F5: variants seen among roughly 807,000 people sequenced by gnomAD.
The protein encoded by F5 is activated protein c cofactor.
Under a neutral mutation model 216.4 loss-of-function variants are expected in F5, and 138 were observed. The observed-to-expected ratio is 0.64, with a 90% CI of 0.56 to 0.73. The LOEUF (loss-of-function observed/expected upper bound fraction) is 0.73. F5 is among the 30% of genes least tolerant of loss of function. The probability of loss-of-function intolerance (pLI) is 0.00; values close to 1 mark genes in which losing one functional copy is unlikely to be tolerated. For missense variants in F5, 2,403 were observed against 2,674.0 expected (o/e 0.90, Z 2.24); for synonymous variants, 916 against 930.7 (o/e 0.98, Z 0.29).
At chr1:169,545,752 A>G (rs1571578272) in intron 11 of F5, among the ~76,000 whole-genome samples, 1 of 152,204 alleles carries the variant, frequency 6.6e-6, no homozygotes, top group Admixed American at 6.5e-5. Flanking sequence ...GTGATTACCT[A>G]CTAGAGAAGG....
rs1373350559 is a variant in F5 at position 169,514,326 on chromosome 1, C to T, written c.6662G>A (p.Cys2221Tyr). ...SIALRLELFG[C>Y]DIY Reference sequence around the variant, plus strand: ...GAATGTTCAATTCTAGTAAATATCACAGCCAAAGAGTTCCAGGCGAAGTGC... The same window carrying T: ...GAATGTTCAATTCTAGTAAATATCATAGCCAAAGAGTTCCAGGCGAAGTGC... The change falls in exon 25 of 25, where the codon TGT becomes TAT. Residue 2221 changes from cysteine (C) to tyrosine (Y), a missense_variant. Cys to Tyr is a radical substitution (Grantham distance 194). Around this residue, in one of 4 missense-constraint regions of F5, gnomAD observed 659 missense variants for 787.9 expected, o/e 0.84. Transcript: ENST00000367797. 45 of 1,613,314 alleles carry T rather than the reference C, an allele frequency of 2.8e-5. No individual in the cohort carries two copies. The highest frequency in any genetic ancestry group is 3.8e-5 in the Non-Finnish European group (45 of 1,179,504).
chr1:169,565,446 T>C (rs1330917505), intron 3 of F5, among the ~76,000 whole-genome samples: 1 of 152,096 alleles, frequency 6.6e-6, no homozygotes, highest in Non-Finnish European at 1.5e-5. Context: ...AAGAAGATGC[T>C]CAGTGAATAT....
At chr1:169,546,792 C>T (rs577537840) in intron 10 of F5, among the ~76,000 whole-genome samples, 200 bp from the exon 11 acceptor site, 2 of 152,068 alleles carry the variant, frequency 1.3e-5, no homozygotes, top group South Asian at 4.2e-4. Flanking sequence ...AAACTGGACC[C>T]CTTTCTTACA....
intron 13 of F5, among the ~76,000 whole-genome samples, chr1:169,538,119 A>G (rs188346272): frequency 1.8e-3 from 268 of 152,294 alleles, no homozygotes; most frequent in Non-Finnish European, 2.4e-3. Flanking sequence ...AATGTGATCT[A>G]CATAAACAAT....
chr1:169,548,319 G>A (rs1357740977), intron 10 of F5, among the ~76,000 whole-genome samples: 1 of 151,668 alleles, frequency 6.6e-6, no homozygotes, highest in Non-Finnish European at 1.5e-5. Flanking sequence ...TAACAAACCT[G>A]CACATCCTGC....
rs564074128 is a variant in F5 at position 169,524,551 on chromosome 1, A to G, written c.5788+286T>C. On this transcript the variant is annotated intron_variant, in intron 19 of 24. Coordinates refer to ENST00000367797, the MANE Select transcript of F5 (RefSeq NM_000130.5). ...CTGGGCTTTTTATGTAGAGAAATCA[A>G]TGACCCCCAGCTATCGGTTTTTCCT... Among the ~76,000 whole-genome samples the G allele has an allele frequency of 3.3e-5, 5 of 152,268 alleles. No homozygotes were observed. In the South Asian group the frequency reaches 6.2e-4, roughly 19 times the overall value.
At chr1:169,547,725 C>T (rs1273782596) in intron 10 of F5, among the ~76,000 whole-genome samples, 1 of 152,060 alleles carries the variant, frequency 6.6e-6, no homozygotes, top group African/African-American at 2.4e-5. Context: ...AAAAGGAACA[C>T]TTATACACTC....
chr1:169,565,043 C>T (rs573484095), intron 3 of F5, among the ~76,000 whole-genome samples: 5 of 152,182 alleles, frequency 3.3e-5, no homozygotes, highest in Non-Finnish European at 5.9e-5. Flanking sequence ...TCCCTTGGGT[C>T]CCCTGTCAGT....
chr1:169,564,996 T>G (rs935985495), intron 3 of F5, among the ~76,000 whole-genome samples: 1 of 152,108 alleles, frequency 6.6e-6, no homozygotes, highest in Non-Finnish European at 1.5e-5. Context: ...TTCAGTCTTA[T>G]CATACGTCTT....
At chr1:169,585,423 TA>T in intron 1 of F5, among the ~76,000 whole-genome samples, 1 of 152,338 alleles carries the variant, frequency 6.6e-6, no homozygotes, top group Admixed American at 6.5e-5. Flanking sequence ...GTTTACCATT[TA>T]AAAAATAACT....
intron 13 of F5, among the ~76,000 whole-genome samples, chr1:169,537,056 GTC>G (rs1323501866): frequency 2.0e-5 from 3 of 151,960 alleles, no homozygotes; most frequent in Non-Finnish European, 4.4e-5. Flanking sequence ...ATTAATATCT[GTC>G]TCTCACTGGG....
intron 15 of F5, among the ~76,000 whole-genome samples, chr1:169,530,475 T>C (rs1429462299): frequency 6.6e-6 from 1 of 152,214 alleles, no homozygotes; most frequent in Non-Finnish European, 1.5e-5. Flanking sequence ...GAGCAGAACA[T>C]AGCTAATACT....
In F5 at chr1:169,549,881, T is replaced by A; in HGVS notation, c.1531A>T (p.Ile511Phe). The A allele has an allele frequency of 6.2e-7, 1 of 1,614,184 alleles. No homozygotes were observed. ...AGCCCAGAGGCGATGTCTCTCATGA[T>A]GTCCACGTCACTGTAGTATGGTCTT... Reference protein sequence around the residue: ...LTRPYYSDVDIMRDIASGLIG... With the variant: ...LTRPYYSDVDFMRDIASGLIG... Residue 511 changes from isoleucine to phenylalanine, a missense_variant, in exon 10 of 25, where the codon ATC becomes TTC. Ile to Phe is a conservative substitution (Grantham distance 21). Around this residue, in one of 4 missense-constraint regions of F5, gnomAD observed 1,425 missense variants for 1,554.8 expected, o/e 0.92. Coordinates refer to ENST00000367797, the MANE Select transcript of F5 (RefSeq NM_000130.5).
rs752988410 is a variant in F5 at position 169,541,284 on chromosome 1, G to A, written c.3806C>T (p.Pro1269Leu). 5 of 1,551,888 alleles carry A rather than the reference G, an allele frequency of 3.2e-6. No individual in the cohort carries two copies. The East Asian group carries it at 9.9e-5, about 31-fold the overall frequency. The change falls in exon 13 of 25, where the codon CCA becomes CTA. Residue 1269 changes from proline (P) to leucine (L), a missense_variant. Physicochemically the swap from Pro to Leu is moderately conservative, Grantham distance 98. Coordinates refer to ENST00000367797, the MANE Select transcript of F5 (RefSeq NM_000130.5). ...AGAAAGGGGCATCTGACCGAGGGCT[G>A]GAGAAAGGTTTGTCTGACTGAGTTC... is the stretch of plus-strand genomic sequence containing the variant. ...SPELSQTNLS[P>L]ALGQMPLSPD... is the part of the protein sequence containing the mutation.
chr1:169,576,438 C>T (rs1364581607), intron 2 of F5, among the ~76,000 whole-genome samples: 1 of 152,120 alleles, frequency 6.6e-6, no homozygotes, highest in Non-Finnish European at 1.5e-5. Context: ...AAAGTTCAGT[C>T]CTTATTTTAG....
chr1:169,515,404 G>C, intron 24 of F5, 40 bp downstream of exon 24: 1 of 1,606,338 alleles, frequency 6.2e-7, no homozygotes, highest in Non-Finnish European at 8.5e-7. Context: ...TTATAGCACA[G>C]TCTTCAGATT....
At chr1:169,529,458 C>T (rs1659537243) in intron 16 of F5, 150 bp downstream of exon 16, 1 of 713,890 alleles carries the variant, frequency 1.4e-6, no homozygotes, top group Admixed American at 2.3e-5. Flanking sequence ...ATTACATCAG[C>T]CCTCTGGAAT....
chr1:169,550,827 G>A (rs986662376), intron 8 of F5, 88 bp from the exon 9 acceptor site: 9 of 987,506 alleles, frequency 9.1e-6, no homozygotes, highest in Admixed American at 1.8e-5. Flanking sequence ...TCACCTTTTG[G>A]ATGGTGTGTG....
chr1:169,542,809 C>G lies in F5; in HGVS notation c.2281G>C (p.Gly761Arg). The G allele has an allele frequency of 6.2e-7, 1 of 1,614,120 alleles. No individual in the cohort carries two copies. Among genetic ancestry groups the G allele is most frequent in the Non-Finnish European group, 8.5e-7 (1 of 1,179,990 alleles). The change falls in exon 13 of 25, where the codon GGC becomes CGC. Residue 761 changes from glycine (G) to arginine (R), a missense_variant. Transcript: ENST00000367797. ...GTGTTTGAAGAAACGAATTCAGTGCCATTCTCCAGAGCTAGGGCAGTAAGA... is the reference window on the plus strand; with the variant it reads ...GTGTTTGAAGAAACGAATTCAGTGCGATTCTCCAGAGCTAGGGCAGTAAGA... Reference protein sequence around the residue: ...FNLTALALENGTEFVSSNTDI... With the variant: ...FNLTALALENRTEFVSSNTDI...
Sources: allele counts gnomAD v4.1 joint callset (sites outside exome capture counted in the v4.1 genomes callset), GRCh38; gene constraint gnomAD v4.1.1; regional missense constraint gnomAD v4.1.1; transcripts MANE v1.5; gene names NCBI Gene and HGNC (gene_info 2026-07-23, HGNC 2026-07-21).